Variants in EPB41 observed in about 807,000 individuals in gnomAD.
EPB41 encodes protein 4.1.
EPB41 carries 65 observed loss-of-function variants against 108.0 expected under a neutral mutation model. That is an observed-to-expected ratio of 0.60 (90% CI 0.49 to 0.74). EPB41 has a LOEUF of 0.74. Ranked by LOEUF, EPB41 falls within the 30% of genes least tolerant of loss-of-function variation. The pLI is 0.00. For synonymous variants in EPB41, 336 were observed against 358.9 expected (o/e 0.94, Z 0.72); for missense variants, 875 against 1,037.0 (o/e 0.84, Z 2.15).
chr1:28,887,534 GGGAGA>G lies in EPB41; in HGVS notation c.-8+326_-8+330del. The G allele has an allele frequency of 1.0e-6, 1 of 985,194 alleles. No homozygotes were observed. Among genetic ancestry groups the G allele is most frequent in the South Asian group, 4.7e-5 (1 of 21,278 alleles). The allele number at this position is 985,194 out of a possible 1,614,324, so 61.0% of individuals were successfully genotyped here. A position where few individuals can be genotyped will look rare whatever the true frequency, so the allele number is the denominator to read the frequency against. On this transcript the variant is annotated intron_variant, in intron 1 of 16. Coordinates refer to the EPB41 transcript ENST00000347529. This position sits in a 1 kb window ranked among gnomAD's most constrained non-coding sequence, Gnocchi z 4.9. ...CGGGGGTCCTGCATTCGGTGTCCGC[GGGAGA>G]GTCCCTGCAGGTCGGCGCAGCCCCC...
intron 7 of EPB41, among the ~76,000 whole-genome samples, chr1:29,019,148 G>A (rs2096612242): frequency 6.6e-6 from 1 of 152,158 alleles, no homozygotes. Flanking sequence ...GACCACAATG[G>A]CTCGCACCTG....
intron 4 of EPB41, among the ~76,000 whole-genome samples, chr1:29,007,834 A>C (rs1409816892): frequency 1.3e-5 from 2 of 151,030 alleles, no homozygotes; most frequent in African/African-American, 4.9e-5. Flanking sequence ...CTTTATTTTC[A>C]CTCTAATACA....
In EPB41 at chr1:28,993,487, A is replaced by G; in HGVS notation, c.626A>G (p.Asn209Ser). ...ASQKPIRKHR[N>S]MHCKVSLLDD... ...CAAAAACCAATCAGAAAACACAGGAACATGCACTGCAAGGTTTCTTTGTTG... is the reference window on the plus strand; with the variant it reads ...CAAAAACCAATCAGAAAACACAGGAGCATGCACTGCAAGGTTTCTTTGTTG... The change falls in exon 3 of 21, where the codon AAC becomes AGC. Residue 209 changes from asparagine (N) to serine (S), a missense_variant. By Grantham distance (46) the Asn-to-Ser change is conservative (BLOSUM62 1). This residue lies in a region of EPB41 where 353 missense variants were observed against 393.2 expected (regional missense o/e 0.90). Coordinates refer to ENST00000343067, the MANE Select transcript of EPB41 (RefSeq NM_001376013.1). The G allele has an allele frequency of 6.2e-7, 1 of 1,614,094 alleles. No individual in the cohort carries two copies. The highest frequency in any genetic ancestry group is 8.5e-7 in the Non-Finnish European group (1 of 1,179,996).
intron 16 of EPB41, among the ~76,000 whole-genome samples, chr1:29,074,181 C>T (rs965881682): frequency 2.0e-5 from 3 of 152,170 alleles, no homozygotes; most frequent in Middle Eastern, 3.4e-3. Context: ...TTTATTTTTT[C>T]GGCAAGGGTT....
chr1:29,065,949 AGAGT>A (rs1408061643), intron 16 of EPB41: 1 of 150,960 alleles, frequency 6.6e-6, no homozygotes, highest in Non-Finnish European at 1.5e-5. Context: ...CCTGGGTGAC[AGAGT>A]GAGACCCTGT....
intron 13 of EPB41, 38 bp downstream of exon 13, chr1:29,058,683 AC>A: frequency 6.3e-7 from 1 of 1,598,686 alleles, no homozygotes; most frequent in East Asian, 2.2e-5. Context: ...CTTTCCCTCC[AC>A]CCCCTCAGTT....
At chr1:29,038,467 T>C (rs1165469548) in intron 10 of EPB41, among the ~76,000 whole-genome samples, 2 of 152,254 alleles carry the variant, frequency 1.3e-5, no homozygotes, top group Non-Finnish European at 2.9e-5. Context: ...CATAAAAGTA[T>C]ATGTTTGCTG....
At chr1:28,961,175 GACAA>G (rs901037043) in intron 1 of EPB41, among the ~76,000 whole-genome samples, 11 of 151,646 alleles carry the variant, frequency 7.3e-5, no homozygotes, top group African/African-American at 1.9e-4. Context: ...TGTTACATTT[GACAA>G]ACAAACTTGT....
At chr1:29,006,120 T>C (rs1003095296) in intron 4 of EPB41, among the ~76,000 whole-genome samples, 13 of 152,244 alleles carry the variant, frequency 8.5e-5, no homozygotes, top group African/African-American at 3.1e-4. Flanking sequence ...TCTTCTATGC[T>C]GTAACCATAC....
chr1:29,001,209 A>G (rs1334677627), intron 4 of EPB41, among the ~76,000 whole-genome samples: 2 of 152,204 alleles, frequency 1.3e-5, no homozygotes, highest in Non-Finnish European at 2.9e-5. Flanking sequence ...ACATGCCTGT[A>G]ATCCCAGCTA....
chr1:28,938,788 G>C (rs930677216), intron 1 of EPB41, among the ~76,000 whole-genome samples: 8 of 152,098 alleles, frequency 5.3e-5, no homozygotes, highest in Non-Finnish European at 8.8e-5. Flanking sequence ...TTACAGGCAT[G>C]AGCCACCATA....
At chr1:28,890,660 G>A (rs1232816333) in intron 1 of EPB41, among the ~76,000 whole-genome samples, 1 of 152,210 alleles carries the variant, frequency 6.6e-6, no homozygotes, top group East Asian at 1.9e-4. Flanking sequence ...ACTATGCACA[G>A]CATTCTGTTC....
chr1:28,930,189 C>T (rs1291017978), intron 1 of EPB41, among the ~76,000 whole-genome samples: 1 of 129,248 alleles, frequency 7.7e-6, no homozygotes, highest in Non-Finnish European at 1.6e-5. Flanking sequence ...CAGAGTCTTA[C>T]TCTGTTGCCC....
chr1:28,975,940 CAAAAA>C (rs775554564), intron 1 of EPB41, among the ~76,000 whole-genome samples: 5 of 67,680 alleles, frequency 7.4e-5, no homozygotes, highest in East Asian at 6.4e-4. Context: ...GACTCCATCT[CAAAAA>C]AAAAAAAAAA....
At chr1:28,930,899 A>G (rs1480766802) in intron 1 of EPB41, among the ~76,000 whole-genome samples, 3 of 152,230 alleles carry the variant, frequency 2.0e-5, no homozygotes, top group Non-Finnish European at 2.9e-5. Context: ...ATAATACCCA[A>G]GATCCATGAT....
chr1:29,036,628 C>G (rs1572854282), intron 10 of EPB41, among the ~76,000 whole-genome samples: 1 of 150,460 alleles, frequency 6.6e-6, no homozygotes, highest in Non-Finnish European at 1.5e-5. Flanking sequence ...CAATGCTTGA[C>G]TACTTTTTGT....
chr1:28,934,056 T>G (rs2093877438), intron 1 of EPB41, among the ~76,000 whole-genome samples: 1 of 152,206 alleles, frequency 6.6e-6, no homozygotes, highest in African/African-American at 2.4e-5. Context: ...TGTCTAGTAC[T>G]CATTTCTCCT....
chr1:28,987,086 C>T (rs1285657687), intron 1 of EPB41, among the ~76,000 whole-genome samples: 1 of 152,098 alleles, frequency 6.6e-6, no homozygotes, highest in Non-Finnish European at 1.5e-5. Flanking sequence ...GGACACTAAA[C>T]CACAGTCCTT....
At chr1:29,008,056 T>G (rs759007795) in intron 4 of EPB41, among the ~76,000 whole-genome samples, 1 of 152,232 alleles carries the variant, frequency 6.6e-6, no homozygotes, top group Non-Finnish European at 1.5e-5. Flanking sequence ...CAATTGTTGA[T>G]GTACATGTAG....
Sources: gnomAD v4.1 joint callset for allele counts (sites outside exome capture counted in the v4.1 genomes callset) on GRCh38, gnomAD v4.1.1 for gene constraint, gnomAD v4.1.1 regional missense constraint, Gnocchi (gnomAD v3.1) non-coding constraint, MANE v1.5 for transcripts, NCBI Gene and HGNC (gene_info 2026-07-23, HGNC 2026-07-21) for gene names.